GIGYF2: variants seen among roughly 807,000 people sequenced by gnomAD.
The protein encoded by GIGYF2 is GRB10 interacting GYF protein 2.
A neutral mutation model predicts 208.1 loss-of-function variants in GIGYF2; 25 were observed. The ratio of observed to expected loss-of-function variants is 0.12; its 90% CI spans 0.09 to 0.17. The LOEUF is 0.17. Ranked by LOEUF, GIGYF2 falls within the 10% of genes least tolerant of loss-of-function variation. The pLI is 1.00. For synonymous variants in GIGYF2, 534 were observed against 543.8 expected (o/e 0.98, Z 0.25); for missense variants, 1,302 against 1,579.4 (o/e 0.82, Z 2.98).
chr2:232,782,124 G>A lies in GIGYF2; in HGVS notation c.533-5026G>A, dbSNP rs1156496578. ...GTCTCTAATTGTGTTTGTCAGTAAAGGAGTGAGTCATTTAATGGTTGCTAG... is the reference window on the plus strand; with the variant it reads ...GTCTCTAATTGTGTTTGTCAGTAAAAGAGTGAGTCATTTAATGGTTGCTAG... On this transcript the variant is annotated intron_variant, in intron 8 of 28. Coordinates refer to ENST00000373563, the MANE Select transcript of GIGYF2 (RefSeq NM_001103146.3). Among the ~76,000 whole-genome samples, 3 of 152,164 alleles carry A rather than the reference G, an allele frequency of 2.0e-5. 1 individual carries two copies. In the South Asian group the frequency reaches 6.2e-4, roughly 32 times the overall value.
chr2:232,840,040 A>G (rs1701771122), intron 23 of GIGYF2, 69 bp downstream of exon 23: 1 of 1,453,442 alleles, frequency 6.9e-7, no homozygotes, highest in Admixed American at 1.7e-5. Flanking sequence ...ATTATGGGTT[A>G]GTGGTTACTG....
At chr2:232,768,695 G>C in intron 8 of GIGYF2, 1 of 1,606,088 alleles carries the variant, frequency 6.2e-7, no homozygotes, top group Non-Finnish European at 8.5e-7. Context: ...TAGGTCGGGT[G>C]TTGGCCACTT....
At chr2:232,825,372 C>T (rs12993791) in intron 21 of GIGYF2, among the ~76,000 whole-genome samples, 40,703 of 152,076 alleles carry the variant, frequency 0.27, 6,421 homozygotes, top group Non-Finnish European at 0.36. Context: ...TCAACATTAA[C>T]AGAAGTTTGG....
intron 8 of GIGYF2, chr2:232,765,880 T>C: frequency 2.1e-6 from 1 of 468,828 alleles, no homozygotes; most frequent in South Asian, 1.6e-5. Flanking sequence ...ACTGTCATGC[T>C]ATCTTTATCA....
intron 3 of GIGYF2, chr2:232,735,793 A>G (rs998887452): frequency 6.1e-5 from 60 of 984,244 alleles, no homozygotes; most frequent in Non-Finnish European, 7.1e-5. Flanking sequence ...TGGAATTCTC[A>G]TGGAATTTTG....
rs767540390 is a variant in GIGYF2, at chr2:232,729,527, A to G, written c.-43-5628A>G. On this transcript the variant is annotated intron_variant, in intron 2 of 28. Coordinates refer to ENST00000373563, the MANE Select transcript of GIGYF2 (RefSeq NM_001103146.3). The stretch of plus-strand genomic sequence containing the variant: ...TGCCATGACCCAGGATGGATTTTAG[A>G]TTTTGTTGAAAGCAGCCACATCCAT... 64 of 1,303,656 alleles carry G rather than the reference A, an allele frequency of 4.9e-5. 1 individual carries two copies. Among genetic ancestry groups the G allele is most frequent in the Non-Finnish European group, 5.8e-5 (57 of 974,432 alleles). The allele number at this position is 1,303,656 out of a possible 1,614,324, so 80.8% of individuals were successfully genotyped here.
At chr2:232,769,877 A>G (rs1033248670) in intron 8 of GIGYF2, among the ~76,000 whole-genome samples, 2 of 152,246 alleles carry the variant, frequency 1.3e-5, no homozygotes, top group African/African-American at 4.8e-5. Context: ...ATAACAGTCT[A>G]GTGGTGGTTT....
intron 8 of GIGYF2, chr2:232,776,640 C>T: frequency 1.6e-6 from 1 of 607,020 alleles, no homozygotes; most frequent in South Asian, 2.0e-5. Context: ...TGATTGGTCA[C>T]TTAGCCTGCA....
chr2:232,750,729 C>CTG (rs1415674169), intron 5 of GIGYF2, among the ~76,000 whole-genome samples: 1 of 114,790 alleles, frequency 8.7e-6, no homozygotes, highest in East Asian at 2.6e-4. Context: ...TTTATATGAG[C>CTG]TCTGTGTGTG....
chr2:232,812,994 C>CT (rs1192316054), intron 18 of GIGYF2, among the ~76,000 whole-genome samples: 1 of 145,422 alleles, frequency 6.9e-6, no homozygotes, highest in Non-Finnish European at 1.5e-5. Context: ...GAGCAAAACT[C>CT]TAAGAAAGAA....
At position 232,722,144 on chromosome 2, in the gene GIGYF2, A is replaced by G. The variant is rs146635508; in HGVS notation, c.-43-13011A>G. ...GCTAAGTTGGAGAAAGAAGCCCACA[A>G]CCACCTTGCAGATTAGCTTCCCTCT... On this transcript the variant is annotated intron_variant, in intron 2 of 28. Transcript: ENST00000373563. Among the ~76,000 whole-genome samples the G allele has an allele frequency of 3.6e-3, 541 of 152,322 alleles. 6 individuals are homozygous for G. Among genetic ancestry groups the G allele is most frequent in the African/African-American group, 0.013 (522 of 41,570 alleles).
intron 16 of GIGYF2, chr2:232,810,864 T>C (rs904263316): frequency 1.7e-5 from 4 of 230,648 alleles, no homozygotes; most frequent in Admixed American, 1.6e-4. Flanking sequence ...GTACGTCATA[T>C]GGTTAAAGCT....
intron 19 of GIGYF2, among the ~76,000 whole-genome samples, chr2:232,816,540 G>A (rs1399973513): frequency 6.6e-6 from 1 of 152,140 alleles, no homozygotes; most frequent in African/African-American, 2.4e-5. Context: ...GTGGAGTGTG[G>A]AGGCAAGTAC....
intron 3 of GIGYF2, among the ~76,000 whole-genome samples, chr2:232,737,747 G>A (rs935565988): frequency 2.0e-5 from 3 of 151,912 alleles, no homozygotes; most frequent in African/African-American, 7.3e-5. Flanking sequence ...TAAGTGATAC[G>A]GTGTTTATTA....
intron 8 of GIGYF2, among the ~76,000 whole-genome samples, chr2:232,769,421 C>T (rs1373981865): frequency 6.7e-6 from 1 of 149,570 alleles, no homozygotes; most frequent in Non-Finnish European, 1.5e-5. Context: ...ATCCCAGCTA[C>T]TCAGGAGGCT....
At position 232,809,782 on chromosome 2, in the gene GIGYF2, G is replaced by A; in HGVS notation, c.1869G>A (p.Gln623=). 1 of 1,605,766 alleles carries A rather than the reference G, an allele frequency of 6.2e-7. No individual in the cohort carries two copies. Residue 623 remains glutamine (Q), a synonymous_variant, in exon 16 of 29, where the codon CAG becomes CAA. Coordinates refer to ENST00000373563, the MANE Select transcript of GIGYF2 (RefSeq NM_001103146.3). ...AACTCACAGCCTTATACCAGATGCAGCACCTGCAGTACCAGCAGTTTTTAA... is the reference window on the plus strand; with the variant it reads ...AACTCACAGCCTTATACCAGATGCAACACCTGCAGTACCAGCAGTTTTTAA... ...QQELTALYQM[Q]HLQYQQFLIQ... is the part of the protein sequence containing the mutation.
At chr2:232,777,372 G>A (rs1416852552) in intron 8 of GIGYF2, among the ~76,000 whole-genome samples, 1 of 152,158 alleles carries the variant, frequency 6.6e-6, no homozygotes, top group South Asian at 2.1e-4. Flanking sequence ...CCAGCTTGTT[G>A]GAACCCTGAA....
chr2:232,790,843 C>T lies in GIGYF2; in HGVS notation c.858C>T (p.Pro286=), dbSNP rs777882785. 3.5e-5 allele frequency: 56 copies of T among 1,613,930 alleles called. No individual in the cohort carries two copies. The Admixed American group carries it at 3.8e-4, about 11-fold the overall frequency. ...GSIDDDRDSL[P]EWCLEDAEEE... ...TAGATGATGACAGGGATAGCTTGCC[C>T]GAATGGTGCTTAGAGGATGCTGAAG... The change falls in exon 10 of 29, where the codon CCC becomes CCT. Residue 286 remains proline, a synonymous_variant. Coordinates refer to ENST00000373563, the MANE Select transcript of GIGYF2 (RefSeq NM_001103146.3).
chr2:232,847,515 C>CCG lies in GIGYF2; in HGVS notation c.3629_3630insGC (p.Gln1211HisfsTer25), dbSNP rs371622656. The CCG allele has an allele frequency of 0.037, 51,353 of 1,385,702 alleles. 2,014 individuals are homozygous for CCG. The highest frequency in any genetic ancestry group is 0.25 in the East Asian group (10,699 of 43,504). 85.8% of individuals were successfully genotyped at this position (1,385,702 alleles called of 1,614,324 possible). A position where few individuals can be genotyped will look rare whatever the true frequency, so the allele number is the denominator to read the frequency against. ...CCAGCAGCGTCAGCAGCAGCAGCTG[C>CCG]CACAGCAGCAGCAGCAGCAGCCGCC... is the stretch of plus-strand genomic sequence containing the variant. On this transcript the variant is annotated frameshift_variant, in exon 27 of 29. Coordinates refer to ENST00000373563, the MANE Select transcript of GIGYF2 (RefSeq NM_001103146.3). LOFTEE classifies it high-confidence loss of function.
Sources: gnomAD v4.1 joint callset for allele counts (sites outside exome capture counted in the v4.1 genomes callset) on GRCh38, gnomAD v4.1.1 for gene constraint, MANE v1.5 for transcripts, NCBI Gene and HGNC (gene_info 2026-07-23, HGNC 2026-07-21) for gene names.